FYB1: variants seen among roughly 807,000 people sequenced by gnomAD.
FYB1 encodes the protein FYN-binding protein 1.
FYB1 carries 41 observed loss-of-function variants against 94.1 expected under a neutral mutation model. That is an observed-to-expected ratio of 0.44 (90% confidence interval 0.34 to 0.57). The LOEUF (loss-of-function observed/expected upper bound fraction) is 0.57. Among genes scored for constraint, FYB1 ranks in the 20% least tolerant of loss-of-function variants. FYB1 has a pLI of 0.02. For synonymous variants in FYB1, 367 were observed against 353.2 expected (o/e 1.04, Z -0.44); for missense variants, 1,050 against 976.8 (o/e 1.07, Z -1.00).
chr5:39,270,710 A>G, intron 1 of FYB1: 1 of 635,256 alleles, frequency 1.6e-6, no homozygotes, highest in South Asian at 2.8e-5. Context: ...TCACACATTG[A>G]TATGTGAGGC....
Position 39,124,273 on chromosome 5 carries a change from G to T in FYB1, c.2051C>A (p.Pro684His). Residue 684 changes from proline (P) to histidine (H), a missense_variant, in exon 13 of 19, where the codon CCT becomes CAT. Coordinates refer to ENST00000512982, the MANE Select transcript of FYB1 (RefSeq NM_001465.6). ...CTTACCCAATTGTTTAGGAGGAGCA[G>T]GGAAACTACAAAGAAAGTGAGAACA... ...DSDNNEGSSF[P>H]APPKQLDMGD... 6.4e-7 allele frequency: 1 copy of T among 1,552,480 alleles called. No individual in the cohort carries two copies. Among genetic ancestry groups the T allele is most frequent in the East Asian group, 2.4e-5 (1 of 42,094 alleles).
chr5:39,125,680 TTGTG>T, intron 12 of FYB1, among the ~76,000 whole-genome samples: 1 of 152,158 alleles, frequency 6.6e-6, no homozygotes, highest in African/African-American at 2.4e-5. Flanking sequence ...GTGTCAGTGT[TTGTG>T]TATGACTGTG....
chr5:39,273,456 T>A (rs918918526), intron 1 of FYB1, among the ~76,000 whole-genome samples: 34 of 152,190 alleles, frequency 2.2e-4, no homozygotes, highest in Non-Finnish European at 4.4e-4. Context: ...GTATATCTCC[T>A]GTGAAGCCAG....
chr5:39,167,987 C>T (rs974013755), intron 2 of FYB1, among the ~76,000 whole-genome samples: 1 of 152,178 alleles, frequency 6.6e-6, no homozygotes, highest in Non-Finnish European at 1.5e-5. Context: ...GTGCCCATCA[C>T]AAACTCACAA....
Position 39,255,934 on chromosome 5 carries a change from A to C in FYB1, c.-28+18469T>G, listed in dbSNP as rs542163389. On this transcript the variant is annotated intron_variant, in intron 1 of 1. Transcript: ENST00000510188. ...TTCCACACTCAACCAGCTAGCTTCA[A>C]GGAGCCTTGAATTTTAATCAGTATC... Among the ~76,000 whole-genome samples, 9 of 152,356 alleles carry C rather than the reference A, an allele frequency of 5.9e-5. No individual in the cohort carries two copies. In the South Asian group the frequency reaches 6.2e-4, roughly 11 times the overall value.
intron 2 of FYB1, among the ~76,000 whole-genome samples, chr5:39,174,181 T>C (rs916394782): frequency 6.6e-6 from 1 of 152,186 alleles, no homozygotes; most frequent in Admixed American, 6.5e-5. Flanking sequence ...GTTAGATGAA[T>C]TCCTAGGTAT....
chr5:39,126,191 T>A, intron 11 of FYB1, 56 bp from the exon 12 acceptor site: 1 of 1,571,090 alleles, frequency 6.4e-7, no homozygotes, highest in Middle Eastern at 1.7e-4. Flanking sequence ...AGTGAAGACA[T>A]TGTGTGGACA....
At position 39,265,991 on chromosome 5, in the gene FYB1, T is replaced by A. The variant is rs1260023095; in HGVS notation, c.-28+8412A>T. On this transcript the variant is annotated intron_variant, in intron 1 of 1. Coordinates refer to the FYB1 transcript ENST00000510188. ...ACAATTTTTACTGTTTTTTTTTTTT[T>A]TTACTGACCTAAGGTTTATGCATAA... Among the ~76,000 whole-genome samples, 4 of 151,950 alleles carry A rather than the reference T, an allele frequency of 2.6e-5. No homozygotes were observed. The East Asian group carries it at 7.7e-4, about 29-fold the overall frequency.
intron 1 of FYB1, among the ~76,000 whole-genome samples, chr5:39,232,654 T>G (rs185681508): frequency 8.7e-4 from 132 of 151,962 alleles, no homozygotes; most frequent in South Asian, 1.9e-3. Context: ...GCCATGCTGG[T>G]GCACTGCACC....
chr5:39,113,448 T>C (rs1739251802), intron 16 of FYB1, among the ~76,000 whole-genome samples: 1 of 152,116 alleles, frequency 6.6e-6, no homozygotes, highest in South Asian at 2.1e-4. Context: ...AACAAATGTT[T>C]TGAAATATGT....
At position 39,119,574 on chromosome 5, in the gene FYB1, CT is replaced by C; in HGVS notation, c.2198del (p.Lys733SerfsTer31). On this transcript the variant is annotated frameshift_variant, in exon 15 of 19. Coordinates refer to ENST00000512982, the MANE Select transcript of FYB1 (RefSeq NM_001465.6). LOFTEE classifies it high-confidence loss of function. ...TEEKDLKKLK[K>X]QEKEEKDFRK... ...TGAAGTCTTTTTCTTCTTTTTCCTG[CT>C]TTTTTAGCTTCTTAAGGTCCTTTTC... 2 of 1,547,878 alleles carry C rather than the reference CT, an allele frequency of 1.3e-6. No individual in the cohort carries two copies. Among genetic ancestry groups the C allele is most frequent in the South Asian group, 1.2e-5 (1 of 82,640 alleles).
intron 2 of FYB1, among the ~76,000 whole-genome samples, chr5:39,191,562 T>C (rs1035344342): frequency 6.6e-6 from 1 of 152,238 alleles, no homozygotes; most frequent in Non-Finnish European, 1.5e-5. Flanking sequence ...TTCTAGATGT[T>C]TTTTTCTACC....
At chr5:39,141,000 A>C (rs1742124905) in intron 4 of FYB1, 95 bp downstream of exon 4, 1 of 809,484 alleles carries the variant, frequency 1.2e-6, no homozygotes, top group East Asian at 2.7e-5. Flanking sequence ...ACCAGTGATG[A>C]TAATGACCCA....
At position 39,201,837 on chromosome 5, in the gene FYB1, G is replaced by T; in HGVS notation, c.1124C>A (p.Ser375Tyr). Reference sequence around the variant, plus strand: ...AGAAAAGAACTCACTGTTTCCAGAAGAGGTTTTGTGGAATTTCGTCAGGTC... The same window carrying T: ...AGAAAAGAACTCACTGTTTCCAGAATAGGTTTTGTGGAATTTCGTCAGGTC... ...NVDLTKFHKTSSGNSTSKGQT... is the reference protein window; with the variant it reads ...NVDLTKFHKTYSGNSTSKGQT... Residue 375 changes from serine to tyrosine, a missense_variant, in exon 2 of 19, where the codon TCT becomes TAT. Ser to Tyr is a moderately radical substitution (Grantham distance 144, BLOSUM62 -2). Coordinates refer to ENST00000512982, the MANE Select transcript of FYB1 (RefSeq NM_001465.6). The T allele has an allele frequency of 6.2e-7, 1 of 1,611,732 alleles. No individual in the cohort carries two copies. Among genetic ancestry groups the T allele is most frequent in the Non-Finnish European group, 8.5e-7 (1 of 1,178,326 alleles).
chr5:39,218,284 CAT>C (rs1269478737), intron 1 of FYB1, among the ~76,000 whole-genome samples: 5 of 152,268 alleles, frequency 3.3e-5, no homozygotes, highest in South Asian at 2.1e-4. Flanking sequence ...CATCATAAAA[CAT>C]GTGGTTTTAT....
chr5:39,254,726 G>A (rs957716689), intron 1 of FYB1, among the ~76,000 whole-genome samples: 32 of 152,148 alleles, frequency 2.1e-4, no homozygotes, highest in Admixed American at 2.6e-4. Flanking sequence ...AAATAATTGG[G>A]AAGAAAATGC....
intron 2 of FYB1, among the ~76,000 whole-genome samples, chr5:39,176,431 T>C (rs1160331316): frequency 1.3e-5 from 2 of 152,122 alleles, no homozygotes; most frequent in African/African-American, 4.8e-5. Flanking sequence ...ATTACAGGCA[T>C]GAGCCACCAT....
chr5:39,133,046 C>A (rs1194264503), intron 9 of FYB1, among the ~76,000 whole-genome samples: 1 of 152,164 alleles, frequency 6.6e-6, no homozygotes, highest in Non-Finnish European at 1.5e-5. Flanking sequence ...GCATAGCCGG[C>A]TGTAATTCAT....
chr5:39,147,969 C>A (rs976575310), intron 3 of FYB1, among the ~76,000 whole-genome samples: 3 of 149,436 alleles, frequency 2.0e-5, no homozygotes, highest in Non-Finnish European at 3.0e-5. Flanking sequence ...CGTGAGCCAC[C>A]GCGCCCGGCA....
Sources: gnomAD v4.1 joint callset for allele counts (sites outside exome capture counted in the v4.1 genomes callset) on GRCh38, gnomAD v4.1.1 for gene constraint, MANE v1.5 for transcripts, NCBI Gene and HGNC (gene_info 2026-07-23, HGNC 2026-07-21) for gene names.